Variants in IL1RAPL1 observed in about 807,000 individuals in gnomAD.
IL1RAPL1 encodes the protein interleukin-1 receptor accessory protein-like 1.
In IL1RAPL1, 3 loss-of-function variants were observed where a neutral mutation model predicts 48.4. The ratio of observed to expected loss-of-function variants is 0.06; its 90% CI spans 0.03 to 0.16. The LOEUF is 0.16. Ranked by LOEUF, IL1RAPL1 falls within the 10% of genes least tolerant of loss-of-function variation. The pLI, the probability that IL1RAPL1 is intolerant of heterozygous loss-of-function variation, is 1.00. For missense variants in IL1RAPL1, 349 were observed against 530.6 expected (o/e 0.66, Z 3.36); for synonymous variants, 185 against 187.7 (o/e 0.99, Z 0.12).
intron 1 of IL1RAPL1, among the ~76,000 whole-genome samples, chrX:28,700,902 C>G (rs1227281702): frequency 8.9e-6 from 1 of 111,837 alleles, no homozygotes; most frequent in African/African-American, 3.2e-5. Context: ...TTTATGGCTA[C>G]ATAGTTTTCC....
chrX:29,595,978 T>G (rs1285914505), intron 5 of IL1RAPL1, among the ~76,000 whole-genome samples: 1 of 111,860 alleles, frequency 8.9e-6, no homozygotes, highest in African/African-American at 3.3e-5. Flanking sequence ...CCAGCACCAT[T>G]TGTTAAATAG....
chrX:29,649,485 G>A (rs889674382), intron 5 of IL1RAPL1, among the ~76,000 whole-genome samples: 2 of 111,383 alleles, frequency 1.8e-5, no homozygotes, highest in Admixed American at 9.5e-5. Context: ...ACAGAAGGAA[G>A]GATAAAGACC....
Position 28,757,375 on chromosome X carries a change from T to A in IL1RAPL1, c.-24-31945T>A, listed in dbSNP as rs192999658. On this transcript the variant is annotated intron_variant, in intron 1 of 10. Transcript: ENST00000378993. ...CCAAATGTTCTTAAAGGTTTGTTAG[T>A]TTTTTATCAAATCACAGCTTGATTT... 2.1e-4 allele frequency among the ~76,000 whole-genome samples: 24 copies of A among 112,732 alleles called. 1 individual carries two copies. The highest frequency in any genetic ancestry group is 2.1e-3 in the Admixed American group (22 of 10,666).
intron 2 of IL1RAPL1, among the ~76,000 whole-genome samples, chrX:28,846,925 A>G (rs1921524021): frequency 9.0e-6 from 1 of 111,469 alleles, no homozygotes; most frequent in Admixed American, 9.5e-5. Context: ...TTCCAGTATC[A>G]TGGCTTTAAA....
chrX:28,967,191 G>A (rs1325914260), intron 2 of IL1RAPL1, among the ~76,000 whole-genome samples: 1 of 111,353 alleles, frequency 9.0e-6, no homozygotes, highest in Non-Finnish European at 1.9e-5. Flanking sequence ...CAAAGACAAG[G>A]CTCCCTTTGC....
chrX:29,372,195 CAT>C (rs750799366), intron 3 of IL1RAPL1, among the ~76,000 whole-genome samples: 4 of 112,092 alleles, frequency 3.6e-5, no homozygotes, highest in East Asian at 2.8e-4. Context: ...AGCATTTGTT[CAT>C]ATGTTTGTTG....
At chrX:28,750,383 C>T (rs1312759686) in intron 1 of IL1RAPL1, among the ~76,000 whole-genome samples, 3 of 111,686 alleles carry the variant, frequency 2.7e-5, no homozygotes, top group African/African-American at 9.7e-5. Flanking sequence ...TTATAAATAG[C>T]ACTAAAACTA....
intron 3 of IL1RAPL1, among the ~76,000 whole-genome samples, chrX:29,306,860 C>CAAAAAA (rs1168897352): frequency 7.0e-5 from 2 of 28,647 alleles, no homozygotes; most frequent in Admixed American, 4.3e-4. Flanking sequence ...GACTCTGTCT[C>CAAAAAA]AAAAAAAAAA....
chrX:29,693,911 A>G (rs111225984), intron 6 of IL1RAPL1, among the ~76,000 whole-genome samples: 8 of 110,478 alleles, frequency 7.2e-5, no homozygotes, highest in South Asian at 3.8e-4. Flanking sequence ...GCATTTTCAT[A>G]TCTTTTTAGC....
At chrX:28,991,656 T>C (rs1157886478) in intron 2 of IL1RAPL1, among the ~76,000 whole-genome samples, 3 of 112,023 alleles carry the variant, frequency 2.7e-5, no homozygotes, top group Non-Finnish European at 5.6e-5. Context: ...TCAAGAGTCA[T>C]ATAGAGACAT....
intron 2 of IL1RAPL1, among the ~76,000 whole-genome samples, chrX:28,994,958 G>A (rs993900467): frequency 1.7e-4 from 19 of 111,489 alleles, no homozygotes; most frequent in African/African-American, 5.8e-4. Context: ...TCTAGTTCAT[G>A]TTATTATGTG....
intron 6 of IL1RAPL1, among the ~76,000 whole-genome samples, chrX:29,871,130 C>T (rs1351229841): frequency 8.9e-6 from 1 of 111,865 alleles, no homozygotes; most frequent in Non-Finnish European, 1.9e-5. Flanking sequence ...TCAAAACCGG[C>T]AACGTCTAAT....
At chrX:29,575,685 A>G (rs951101173) in intron 5 of IL1RAPL1, among the ~76,000 whole-genome samples, 48 of 112,316 alleles carry the variant, frequency 4.3e-4, no homozygotes, top group African/African-American at 1.4e-3. Flanking sequence ...GGCATTCTGC[A>G]ATCCAATCAA....
At chrX:29,562,776 C>T (rs1448993384) in intron 5 of IL1RAPL1, among the ~76,000 whole-genome samples, 1 of 112,026 alleles carries the variant, frequency 8.9e-6, no homozygotes, top group Non-Finnish European at 1.9e-5. Context: ...TCTCACTAAA[C>T]TTTGTGGTGT....
intron 2 of IL1RAPL1, among the ~76,000 whole-genome samples, chrX:28,860,936 G>GT (rs1921927244): frequency 9.0e-6 from 1 of 110,935 alleles, no homozygotes; most frequent in Non-Finnish European, 1.9e-5. Context: ...CGTTAGCCAT[G>GT]TTTTTTACAG....
At chrX:28,720,055 A>G (rs1935551392) in intron 1 of IL1RAPL1, among the ~76,000 whole-genome samples, 1 of 111,478 alleles carries the variant, frequency 9.0e-6, no homozygotes, top group African/African-American at 3.3e-5. Flanking sequence ...GCATATCCCC[A>G]AGTAATTTAT....
intron 5 of IL1RAPL1, among the ~76,000 whole-genome samples, chrX:29,529,799 A>G (rs1935594857): frequency 9.0e-6 from 1 of 111,024 alleles, no homozygotes. Flanking sequence ...AAAATACTAT[A>G]TGTGATTGTG....
chrX:29,475,964 A>T (rs1186745008), intron 5 of IL1RAPL1, among the ~76,000 whole-genome samples: 2 of 111,837 alleles, frequency 1.8e-5, no homozygotes, highest in African/African-American at 6.5e-5. Context: ...TTAGAAAGAA[A>T]GAGAATTAAA....
chrX:29,694,774 A>C (rs1178423548), intron 6 of IL1RAPL1, among the ~76,000 whole-genome samples: 1 of 111,759 alleles, frequency 8.9e-6, no homozygotes, highest in East Asian at 2.8e-4. Context: ...CACCTTCCCA[A>C]GGCTCCACCT....
Sources: gnomAD v4.1 joint callset for allele counts (sites outside exome capture counted in the v4.1 genomes callset) on GRCh38, gnomAD v4.1.1 for gene constraint, MANE v1.5 for transcripts, NCBI Gene and HGNC (gene_info 2026-07-23, HGNC 2026-07-21) for gene names.